The following KIRREL3 variants were observed in gnomAD, a reference collection of about 807,000 sequenced individuals.
KIRREL3 encodes the protein kirre like nephrin family adhesion molecule 3.
A neutral mutation model predicts 89.7 loss-of-function variants in KIRREL3; 36 were observed. The observed-to-expected ratio is 0.40, with a 90% CI of 0.31 to 0.53. KIRREL3 has a LOEUF of 0.53. Ranked by LOEUF, KIRREL3 falls within the 20% of genes least tolerant of loss-of-function variation. The pLI is 0.49. For synonymous variants in KIRREL3, 445 were observed against 441.4 expected (o/e 1.01, Z -0.10); for missense variants, 864 against 1,056.6 (o/e 0.82, Z 2.53).
chr11:126,850,309 C>T (rs1358169490), intron 1 of KIRREL3, among the ~76,000 whole-genome samples: 3 of 152,214 alleles, frequency 2.0e-5, no homozygotes, highest in Non-Finnish European at 4.4e-5. Context: ...GCATAGCTGA[C>T]ACTCTATGCA....
At chr11:126,588,214 A>G (rs1022936107) in intron 1 of KIRREL3, among the ~76,000 whole-genome samples, 5 of 152,222 alleles carry the variant, frequency 3.3e-5, no homozygotes, top group African/African-American at 1.2e-4. Context: ...ATGGGGAGTC[A>G]AAGTCCTGAT....
In KIRREL3 at chr11:126,526,677, A is replaced by G. The variant is rs1172582493; in HGVS notation, c.144T>C (p.Tyr48=). The G allele has an allele frequency of 2.6e-6, 4 of 1,564,988 alleles. No individual in the cohort carries two copies. Among genetic ancestry groups the G allele is most frequent in the South Asian group, 1.2e-5 (1 of 84,852 alleles). ...KFRRMNEGQV[Y]SFSQQPQDQV... ...GGTCCTGGGGCTGCTGGCTGAAGGA[A>G]TAGACTTGGCCTGGGAAGGAGACAA... Residue 48 remains tyrosine (Y), a synonymous_variant, in exon 3 of 17, where the codon TAT becomes TAC. Transcript: ENST00000525144. The surrounding 1 kb of genome is among the most constrained non-coding windows in gnomAD (Gnocchi z 5.7).
At position 126,890,813 on chromosome 11, in the gene KIRREL3, G is replaced by T. The variant is rs1400113363; in HGVS notation, c.55+109642C>A. The stretch of plus-strand genomic sequence containing the variant: ...CCTGCCTGTGCCCAGCGCTGCCCCA[G>T]CATCCTCCCAACCACTGTCCTCAGC... On this transcript the variant is annotated intron_variant, in intron 1 of 16. Coordinates refer to ENST00000525144, the MANE Select transcript of KIRREL3 (RefSeq NM_032531.4). The surrounding 1 kb of genome is among the most constrained non-coding windows in gnomAD (Gnocchi z 5.1). Among the ~76,000 whole-genome samples, 1 of 152,192 alleles carries T rather than the reference G, an allele frequency of 6.6e-6. No homozygotes were observed. The highest frequency in any genetic ancestry group is 2.4e-5 in the African/African-American group (1 of 41,430).
rs1199394052 is a variant in KIRREL3, at chr11:126,776,266, G to A, written c.56-213354C>T. Among the ~76,000 whole-genome samples the A allele has an allele frequency of 6.6e-6, 1 of 152,192 alleles. No individual in the cohort carries two copies. ...ATGCTCTTTGAACAGGGAGGAGCTGGAGGACTTGGAAGGGAATGTGTGCTT... is the reference window on the plus strand; with the variant it reads ...ATGCTCTTTGAACAGGGAGGAGCTGAAGGACTTGGAAGGGAATGTGTGCTT... On this transcript the variant is annotated intron_variant, in intron 1 of 16. Coordinates refer to ENST00000525144, the MANE Select transcript of KIRREL3 (RefSeq NM_032531.4). The surrounding 1 kb of genome is among the most constrained non-coding windows in gnomAD (Gnocchi z 4.7).
Position 127,000,072 on chromosome 11 carries a change from G to T in KIRREL3, c.55+383C>A, listed in dbSNP as rs1021203488. ...CTAAACCAAGCTCTCCCTCCCTGCCGTCTCCTTCCCTGGCCTGGGTCTGAA... is the reference window on the plus strand; with the variant it reads ...CTAAACCAAGCTCTCCCTCCCTGCCTTCTCCTTCCCTGGCCTGGGTCTGAA... On this transcript the variant is annotated intron_variant, in intron 1 of 16. Coordinates refer to ENST00000525144, the MANE Select transcript of KIRREL3 (RefSeq NM_032531.4). This position sits in a 1 kb window ranked among gnomAD's most constrained non-coding sequence, Gnocchi z 7.1. Among the ~76,000 whole-genome samples the T allele has an allele frequency of 1.3e-5, 2 of 151,968 alleles. No individual in the cohort carries two copies. Among genetic ancestry groups the T allele is most frequent in the Non-Finnish European group, 2.9e-5 (2 of 68,006 alleles).
At chr11:126,926,869 T>C (rs1327286981) in intron 1 of KIRREL3, among the ~76,000 whole-genome samples, 1 of 152,106 alleles carries the variant, frequency 6.6e-6, no homozygotes, top group African/African-American at 2.4e-5. Context: ...TTTTAGTGGA[T>C]TTGAGAGAGG....
At position 126,719,206 on chromosome 11, in the gene KIRREL3, C is replaced by T. The variant is rs560146669; in HGVS notation, c.56-156294G>A. ...TGGTTTTGTCTCAAATCTAAAAATA[C>T]GCCACTGAAACGGCTTCTTCCTAAA... is the stretch of plus-strand genomic sequence containing the variant. On this transcript the variant is annotated intron_variant, in intron 1 of 16. Coordinates refer to ENST00000525144, the MANE Select transcript of KIRREL3 (RefSeq NM_032531.4). This position sits in a 1 kb window ranked among gnomAD's most constrained non-coding sequence, Gnocchi z 4.7. 4.6e-5 allele frequency among the ~76,000 whole-genome samples: 7 copies of T among 152,276 alleles called. No individual in the cohort carries two copies. In the South Asian group the frequency reaches 6.2e-4, roughly 14 times the overall value.
rs1940809046 is a variant in KIRREL3 at position 126,570,072 on chromosome 11, G to C, written c.56-7160C>G. On this transcript the variant is annotated intron_variant, in intron 1 of 16. Transcript: ENST00000525144. The surrounding 1 kb of genome is among the most constrained non-coding windows in gnomAD (Gnocchi z 6.1). ...ATAAAGAGGACTGAAGAGTGGAGTA[G>C]CAAAGGTATATTAATCCTGACTAGT... Among the ~76,000 whole-genome samples, 1 of 152,148 alleles carries C rather than the reference G, an allele frequency of 6.6e-6. No individual in the cohort carries two copies. Among genetic ancestry groups the C allele is most frequent in the Non-Finnish European group, 1.5e-5 (1 of 68,038 alleles).
At position 126,895,089 on chromosome 11, in the gene KIRREL3, G is replaced by T. The variant is rs187115202; in HGVS notation, c.55+105366C>A. On this transcript the variant is annotated intron_variant, in intron 1 of 16. Transcript: ENST00000525144. The stretch of plus-strand genomic sequence containing the variant: ...GGAGCTCCCAGGCACAGAGATTCTT[G>T]GTTCTCAAATGTTGCAGCCTGTGAC... Among the ~76,000 whole-genome samples, 13 of 152,260 alleles carry T rather than the reference G, an allele frequency of 8.5e-5. 1 individual carries two copies. Among genetic ancestry groups the T allele is most frequent in the Non-Finnish European group, 1.6e-4 (11 of 68,020 alleles).
rs755461060 is a variant in KIRREL3, at chr11:126,970,797, T to C, written c.55+29658A>G. Reference sequence around the variant, plus strand: ...CATTGCTTCCATGAGAACAAGGTTTTCCTAGTTTCAAATAAGTGATATCTA... The same window carrying C: ...CATTGCTTCCATGAGAACAAGGTTTCCCTAGTTTCAAATAAGTGATATCTA... On this transcript the variant is annotated intron_variant, in intron 1 of 16. Coordinates refer to ENST00000525144, the MANE Select transcript of KIRREL3 (RefSeq NM_032531.4). This position sits in a 1 kb window ranked among gnomAD's most constrained non-coding sequence, Gnocchi z 4.4. Among the ~76,000 whole-genome samples, 31 of 152,194 alleles carry C rather than the reference T, an allele frequency of 2.0e-4. No individual in the cohort carries two copies. The highest frequency in any genetic ancestry group is 4.4e-5 in the Non-Finnish European group (3 of 68,036).
At chr11:126,911,116 G>T (rs1400109874) in intron 1 of KIRREL3, among the ~76,000 whole-genome samples, 12 of 152,158 alleles carry the variant, frequency 7.9e-5, no homozygotes. Context: ...CAGCCCCAAG[G>T]TTCAAGGGAT....
Position 126,655,135 on chromosome 11 carries a change from G to A in KIRREL3, c.56-92223C>T, listed in dbSNP as rs900703587. 1.6e-4 allele frequency among the ~76,000 whole-genome samples: 25 copies of A among 152,240 alleles called. No individual in the cohort carries two copies. The highest frequency in any genetic ancestry group is 5.1e-4 in the African/African-American group (21 of 41,468). On this transcript the variant is annotated intron_variant, in intron 1 of 16. Transcript: ENST00000525144. The surrounding 1 kb of genome is among the most constrained non-coding windows in gnomAD (Gnocchi z 5.0). ...GTGGCTGTGATTTGGCAGCTCTGCC[G>A]AAGATTTGTGAGATGGAGAAGAAAG...
At chr11:126,785,754 G>A (rs762539759) in intron 1 of KIRREL3, among the ~76,000 whole-genome samples, 14 of 151,692 alleles carry the variant, frequency 9.2e-5, no homozygotes, top group Non-Finnish European at 1.8e-4. Context: ...CGCACCTGTA[G>A]TCCCAGCTAC....
intron 1 of KIRREL3, chr11:126,681,668 A>T (rs1045253254): frequency 6.0e-6 from 2 of 335,362 alleles, no homozygotes; most frequent in African/African-American, 4.3e-5. Flanking sequence ...TGAGATTTGC[A>T]AATTGTTGTC....
intron 1 of KIRREL3, among the ~76,000 whole-genome samples, chr11:126,923,530 A>C (rs1592373137): frequency 1.4e-5 from 2 of 138,232 alleles, no homozygotes; most frequent in Admixed American, 7.7e-5. Flanking sequence ...TGCAATCTCC[A>C]CCTCCAGGGT....
intron 1 of KIRREL3, among the ~76,000 whole-genome samples, chr11:126,573,226 G>A (rs911479739): frequency 2.6e-4 from 40 of 152,174 alleles, no homozygotes; most frequent in East Asian, 5.8e-4. Context: ...GTTGCCTCGC[G>A]GGGTGGGTCC....
chr11:126,450,587 ATGTGTGCATGTG>A (rs1956030652), intron 7 of KIRREL3, among the ~76,000 whole-genome samples: 1 of 124,752 alleles, frequency 8.0e-6, no homozygotes, highest in East Asian at 2.8e-4. Context: ...GTGCATGTGC[ATGTGTGCATGTG>A]TGTGTCCATC....
rs1946563210 is a variant in KIRREL3 at position 126,683,826 on chromosome 11, G to A, written c.56-120914C>T. On this transcript the variant is annotated intron_variant, in intron 1 of 16. Transcript: ENST00000525144. The surrounding 1 kb of genome is among the most constrained non-coding windows in gnomAD (Gnocchi z 5.2). ...CAAACTGCTTATGTGGTAGAAACAG[G>A]AAGCCGTCTTGAAACCCTCGCCAGG... 6.6e-6 allele frequency among the ~76,000 whole-genome samples: 1 copy of A among 152,192 alleles called. No homozygotes were observed. The highest frequency in any genetic ancestry group is 1.5e-5 in the Non-Finnish European group (1 of 68,026).
chr11:126,596,108 C>A (rs1481736426), intron 1 of KIRREL3, among the ~76,000 whole-genome samples: 1 of 152,160 alleles, frequency 6.6e-6, no homozygotes, highest in Non-Finnish European at 1.5e-5. Flanking sequence ...GAAAGCCCTA[C>A]GAGCCTGGCT....
Sources: gnomAD v4.1 joint callset for allele counts (sites outside exome capture counted in the v4.1 genomes callset) on GRCh38, gnomAD v4.1.1 for gene constraint, Gnocchi (gnomAD v3.1) non-coding constraint, MANE v1.5 for transcripts, NCBI Gene and HGNC (gene_info 2026-07-23, HGNC 2026-07-21) for gene names.